ITGA8: variants seen among roughly 807,000 people sequenced by gnomAD.
The protein encoded by ITGA8 is integrin alpha-8.
Under a neutral mutation model 142.3 loss-of-function variants are expected in ITGA8, and 91 were observed. The observed-to-expected ratio is 0.64, with a 90% CI of 0.54 to 0.76. The LOEUF is 0.76. Among genes scored for constraint, ITGA8 ranks in the 30% least tolerant of loss-of-function variants. ITGA8 has a pLI of 0.00. For missense variants in ITGA8, 1,406 were observed against 1,327.7 expected (o/e 1.06, Z -0.92); for synonymous variants, 505 against 485.2 (o/e 1.04, Z -0.54).
At chr10:15,702,306 T>C (rs1410180411) in intron 2 of ITGA8, among the ~76,000 whole-genome samples, 1 of 152,094 alleles carries the variant, frequency 6.6e-6, no homozygotes, top group Non-Finnish European at 1.5e-5. Context: ...TTTTTTTTTT[T>C]TGAGATGGAG....
At chr10:15,578,305 CTCTGCA>C (rs1482592741) in intron 23 of ITGA8, among the ~76,000 whole-genome samples, 1 of 152,046 alleles carries the variant, frequency 6.6e-6, no homozygotes, top group Non-Finnish European at 1.5e-5. Flanking sequence ...GCTTTTTTGA[CTCTGCA>C]TACTTCCCTG....
At chr10:15,601,638 C>A (rs1402771106) in intron 20 of ITGA8, among the ~76,000 whole-genome samples, 4 of 152,074 alleles carry the variant, frequency 2.6e-5, no homozygotes, top group South Asian at 2.1e-4. Context: ...AACATATACA[C>A]CTTTTTTCAC....
At chr10:15,664,997 G>A (rs1588708134) in intron 8 of ITGA8, among the ~76,000 whole-genome samples, 2 of 152,278 alleles carry the variant, frequency 1.3e-5, no homozygotes, top group Admixed American at 6.5e-5. Flanking sequence ...TGTCTTTATA[G>A]CAGCATGATT....
At chr10:15,535,596 C>T (rs938325008) in intron 27 of ITGA8, among the ~76,000 whole-genome samples, 2 of 152,260 alleles carry the variant, frequency 1.3e-5, no homozygotes, top group South Asian at 4.2e-4. Flanking sequence ...TATGTCCACA[C>T]TCTGTATCTA....
chr10:15,703,205 A>G (rs1835197830), intron 2 of ITGA8, among the ~76,000 whole-genome samples: 1 of 152,204 alleles, frequency 6.6e-6, no homozygotes, highest in Non-Finnish European at 1.5e-5. Context: ...TAGTCTGCCT[A>G]TTGTATAGTT....
chr10:15,654,083 G>A (rs1339058224), intron 11 of ITGA8, among the ~76,000 whole-genome samples: 2 of 152,078 alleles, frequency 1.3e-5, no homozygotes, highest in East Asian at 1.9e-4. Context: ...TGATCCACCC[G>A]CCTCAGCCTC....
intron 3 of ITGA8, among the ~76,000 whole-genome samples, chr10:15,685,822 T>C (rs928798718): frequency 2.0e-5 from 3 of 152,236 alleles, no homozygotes; most frequent in South Asian, 4.1e-4. Context: ...TGAAATGATC[T>C]GGCTGCTTTT....
At chr10:15,534,826 C>T (rs1418897264) in intron 27 of ITGA8, among the ~76,000 whole-genome samples, 1 of 152,242 alleles carries the variant, frequency 6.6e-6, no homozygotes, top group Non-Finnish European at 1.5e-5. Context: ...ACAGCCCTGG[C>T]TCGCTCTCGG....
rs140502665 is a variant in ITGA8 at position 15,604,637 on chromosome 10, A to C, written c.1971-282T>G. 6.8e-4 allele frequency among the ~76,000 whole-genome samples: 104 copies of C among 152,080 alleles called. 1 individual carries two copies. The highest frequency in any genetic ancestry group is 3.1e-4 in the Non-Finnish European group (21 of 67,970). ...TAGCATTTTCAGATTCCAGTGGTGT[A>C]AATCCATGAACCGTGGTCATTTTCA... On this transcript the variant is annotated intron_variant, in intron 19 of 29. Coordinates refer to ENST00000378076, the MANE Select transcript of ITGA8 (RefSeq NM_003638.3).
intron 13 of ITGA8, among the ~76,000 whole-genome samples, chr10:15,643,270 A>G (rs193055040): frequency 4.6e-5 from 7 of 152,268 alleles, no homozygotes; most frequent in Non-Finnish European, 8.8e-5. Context: ...AAACCACAAA[A>G]TATGGCTGGA....
intron 8 of ITGA8, among the ~76,000 whole-genome samples, chr10:15,665,834 C>A (rs1309726022): frequency 1.3e-5 from 2 of 151,866 alleles, no homozygotes; most frequent in East Asian, 3.9e-4. Context: ...TGTAGATATG[C>A]GGCATTATTT....
intron 21 of ITGA8, chr10:15,596,878 A>G (rs1457186529): frequency 8.6e-6 from 2 of 232,064 alleles, no homozygotes; most frequent in Non-Finnish European, 1.7e-5. Context: ...CTTACATTGC[A>G]TTTCTTTTTG....
chr10:15,714,731 A>G (rs931800250), intron 2 of ITGA8, among the ~76,000 whole-genome samples: 3 of 152,238 alleles, frequency 2.0e-5, no homozygotes, highest in Non-Finnish European at 4.4e-5. Context: ...CAGTTTTTAG[A>G]AAATGGCAAT....
chr10:15,698,242 T>A (rs1178665199), intron 2 of ITGA8, among the ~76,000 whole-genome samples: 2 of 152,234 alleles, frequency 1.3e-5, no homozygotes, highest in African/African-American at 4.8e-5. Context: ...CATTATTTCA[T>A]TCATTTTTAT....
At chr10:15,527,280 A>C (rs933545468) in intron 28 of ITGA8, among the ~76,000 whole-genome samples, 4 of 152,216 alleles carry the variant, frequency 2.6e-5, no homozygotes, top group South Asian at 2.1e-4. Context: ...AAGGTGCAGA[A>C]GTTTTGCTAA....
chr10:15,690,606 G>A (rs565924682), intron 2 of ITGA8, among the ~76,000 whole-genome samples: 10 of 152,236 alleles, frequency 6.6e-5, no homozygotes, highest in South Asian at 2.1e-4. Context: ...ATAGCACCCC[G>A]TGGCTGCCTG....
Position 15,671,646 on chromosome 10 carries a change from T to C in ITGA8, c.804A>G (p.Gly268=). Residue 268 remains glycine, a splice_region_variant and synonymous_variant, in exon 8 of 30, where the codon GGA becomes GGG. Coordinates refer to ENST00000378076, the MANE Select transcript of ITGA8 (RefSeq NM_003638.3). ...APASYDDSYL[G]YSVAAGEFTG... Reference sequence around the variant, plus strand: ...TAAACTCCCCAGCAGCAACTGAGTATCCTGTTTTAAAGAAAAAGAAACAAA... The same window carrying C: ...TAAACTCCCCAGCAGCAACTGAGTACCCTGTTTTAAAGAAAAAGAAACAAA... The C allele has an allele frequency of 1.2e-6, 2 of 1,611,938 alleles. No individual in the cohort carries two copies. The highest frequency in any genetic ancestry group is 1.7e-4 in the Middle Eastern group (1 of 6,058).
intron 24 of ITGA8, among the ~76,000 whole-genome samples, chr10:15,575,221 T>C (rs1400036889): frequency 6.6e-6 from 1 of 151,934 alleles, no homozygotes; most frequent in East Asian, 1.9e-4. Flanking sequence ...AAACCCCGTC[T>C]CTAGAAAAAA....
chr10:15,682,163 T>C (rs1270421188), intron 4 of ITGA8, among the ~76,000 whole-genome samples: 1 of 152,174 alleles, frequency 6.6e-6, no homozygotes, highest in Non-Finnish European at 1.5e-5. Flanking sequence ...CTCTCCCTTC[T>C]TTCTCGTCTT....
Sources: gnomAD v4.1 joint callset for allele counts (sites outside exome capture counted in the v4.1 genomes callset) on GRCh38, gnomAD v4.1.1 for gene constraint, MANE v1.5 for transcripts, NCBI Gene and HGNC (gene_info 2026-07-23, HGNC 2026-07-21) for gene names.